Variants in NFKB1 observed in about 807,000 individuals in gnomAD.
NFKB1 encodes nuclear factor kappa B subunit 1, also known as nuclear factor NF-kappa-B p105 subunit.
NFKB1 carries 9 observed loss-of-function variants against 105.1 expected under a neutral mutation model. That is an observed-to-expected ratio of 0.09 (90% CI 0.05 to 0.15). The LOEUF (loss-of-function observed/expected upper bound fraction) is 0.15, where lower values mean the gene tolerates loss of function less well. NFKB1 is among the 10% of genes least tolerant of loss of function. The pLI is 1.00. For synonymous variants in NFKB1, 440 were observed against 442.2 expected (o/e 1.00, Z 0.06); for missense variants, 830 against 1,203.7 (o/e 0.69, Z 4.59).
At chr4:102,547,519 G>A (rs1200915779) in intron 5 of NFKB1, among the ~76,000 whole-genome samples, 3 of 152,142 alleles carry the variant, frequency 2.0e-5, no homozygotes, top group African/African-American at 7.2e-5. Flanking sequence ...TTTGCGACTT[G>A]CAGTGTTACT....
At chr4:102,612,809 C>T (rs1032357970) in intron 22 of NFKB1, among the ~76,000 whole-genome samples, 3 of 152,112 alleles carry the variant, frequency 2.0e-5, no homozygotes, top group African/African-American at 4.8e-5. Flanking sequence ...AGATTTTCCC[C>T]GTTTTCAAAT....
rs529516220 is a variant in NFKB1, at chr4:102,539,563, T to C, written c.258+1607T>C. ...TCCACAGAAGCAGACCACGGTCTTA[T>C]GGCCTCACATCCTTTAGAACCTTGA... is the stretch of plus-strand genomic sequence containing the variant. On this transcript the variant is annotated intron_variant, in intron 5 of 23. Coordinates refer to ENST00000226574, the MANE Select transcript of NFKB1 (RefSeq NM_003998.4). Among the ~76,000 whole-genome samples, 7 of 152,324 alleles carry C rather than the reference T, an allele frequency of 4.6e-5. No homozygotes were observed. The South Asian group carries it at 6.2e-4, about 14-fold the overall frequency.
intron 8 of NFKB1, among the ~76,000 whole-genome samples, chr4:102,580,272 T>C (rs1725220853): frequency 6.6e-6 from 1 of 152,228 alleles, no homozygotes; most frequent in Admixed American, 6.5e-5. Context: ...CTTTCTCTTT[T>C]TGTGTCAGTC....
At chr4:102,541,938 A>G (rs1445696608) in intron 5 of NFKB1, among the ~76,000 whole-genome samples, 2 of 152,112 alleles carry the variant, frequency 1.3e-5, no homozygotes, top group African/African-American at 4.8e-5. Flanking sequence ...AAACGCTGAT[A>G]GTTCAGTGCA....
chr4:102,577,135 C>G (rs1288407175), intron 7 of NFKB1, 96 bp downstream of exon 7: 2 of 1,239,710 alleles, frequency 1.6e-6, no homozygotes, highest in Non-Finnish European at 2.2e-6. Context: ...CTTCCAGTCT[C>G]TACCCCACAC....
rs541858925 is a variant in NFKB1, at chr4:102,566,613, C to T, written c.259-374C>T. Among the ~76,000 whole-genome samples the T allele has an allele frequency of 7.9e-5, 12 of 152,276 alleles. 1 individual carries two copies. In the East Asian group the frequency reaches 2.3e-3, roughly 29 times the overall value. On this transcript the variant is annotated intron_variant, in intron 5 of 23. Transcript: ENST00000226574. ...TCTTTCTCATCAATCATTTACCCAG[C>T]TTTTGTGACCAAGAATTTTGATGAG...
intron 1 of NFKB1, among the ~76,000 whole-genome samples, chr4:102,508,775 C>T (rs1739592410): frequency 6.6e-6 from 1 of 152,116 alleles, no homozygotes; most frequent in South Asian, 2.1e-4. Context: ...ATAATGAAAG[C>T]ATAAAGATTT....
At chr4:102,550,107 C>T (rs1722460204) in intron 5 of NFKB1, among the ~76,000 whole-genome samples, 1 of 151,908 alleles carries the variant, frequency 6.6e-6, no homozygotes, top group African/African-American at 2.4e-5. Flanking sequence ...TCAGTATGAA[C>T]TCGTGGATTC....
At chr4:102,555,518 A>G (rs1388089210) in intron 5 of NFKB1, among the ~76,000 whole-genome samples, 1 of 152,216 alleles carries the variant, frequency 6.6e-6, no homozygotes, top group African/African-American at 2.4e-5. Flanking sequence ...GAACAAGATA[A>G]TTTTTGAATG....
intron 1 of NFKB1, among the ~76,000 whole-genome samples, chr4:102,519,244 CAT>C (rs1740405702): frequency 6.8e-6 from 1 of 147,938 alleles, no homozygotes; most frequent in South Asian, 2.1e-4. Flanking sequence ...ATACATTTGA[CAT>C]AGTTTAATAT....
chr4:102,609,113 A>G (rs1459436575), intron 19 of NFKB1, among the ~76,000 whole-genome samples: 1 of 148,832 alleles, frequency 6.7e-6, no homozygotes, highest in African/African-American at 2.5e-5. Flanking sequence ...CAGTTTCACC[A>G]CTGCACTCCA....
At chr4:102,517,321 T>C (rs1356410399) in intron 1 of NFKB1, among the ~76,000 whole-genome samples, 1 of 152,196 alleles carries the variant, frequency 6.6e-6, no homozygotes, top group Non-Finnish European at 1.5e-5. Context: ...ATTACATCTT[T>C]AGGTATTTTG....
chr4:102,537,993 G>A, intron 5 of NFKB1, 37 bp downstream of exon 5: 1 of 1,325,934 alleles, frequency 7.5e-7, no homozygotes, highest in Non-Finnish European at 1.1e-6. Flanking sequence ...TTTGAATTCT[G>A]GAAATTTTGA....
intron 1 of NFKB1, among the ~76,000 whole-genome samples, chr4:102,512,265 A>G (rs1357140049): frequency 6.6e-6 from 1 of 152,232 alleles, no homozygotes; most frequent in African/African-American, 2.4e-5. Context: ...TGATGTTATC[A>G]GACATAGAAG....
intron 23 of NFKB1, among the ~76,000 whole-genome samples, chr4:102,616,135 A>T (rs1057407567): frequency 1.3e-5 from 2 of 152,206 alleles, no homozygotes; most frequent in Admixed American, 1.3e-4. Flanking sequence ...TTTCTAAGGG[A>T]AAAAAAGGTC....
At chr4:102,513,524 G>A (rs1267492178) in intron 1 of NFKB1, among the ~76,000 whole-genome samples, 1 of 152,100 alleles carries the variant, frequency 6.6e-6, no homozygotes, top group African/African-American at 2.4e-5. Context: ...CTTTCTTATG[G>A]AACACGTTGG....
chr4:102,568,574 T>G (rs559629897), intron 6 of NFKB1, among the ~76,000 whole-genome samples: 1 of 152,290 alleles, frequency 6.6e-6, no homozygotes, highest in South Asian at 2.1e-4. Flanking sequence ...TTATTTTCTT[T>G]GGTCTTGTTT....
intron 10 of NFKB1, among the ~76,000 whole-genome samples, chr4:102,584,092 A>G (rs1471513645): frequency 1.3e-5 from 2 of 152,186 alleles, no homozygotes; most frequent in Admixed American, 6.5e-5. Flanking sequence ...TGGATGGGGA[A>G]CAAGAATGTC....
In NFKB1 at chr4:102,543,933, C is replaced by T. The variant is rs369574243; in HGVS notation, c.258+5977C>T. 1.6e-4 allele frequency among the ~76,000 whole-genome samples: 24 copies of T among 152,212 alleles called. No homozygotes were observed. The East Asian group carries it at 2.5e-3, about 16-fold the overall frequency. The stretch of plus-strand genomic sequence containing the variant: ...CATTGAACCCCTAAGCTGTTCACTG[C>T]GCAAGTATTTAATTAGGGAAAATAA... On this transcript the variant is annotated intron_variant, in intron 5 of 23. Coordinates refer to ENST00000226574, the MANE Select transcript of NFKB1 (RefSeq NM_003998.4).
Sources: gnomAD v4.1 joint callset for allele counts (sites outside exome capture counted in the v4.1 genomes callset) on GRCh38, gnomAD v4.1.1 for gene constraint, MANE v1.5 for transcripts, NCBI Gene and HGNC (gene_info 2026-07-23, HGNC 2026-07-21) for gene names.